Variants in POLR1D observed in about 807,000 individuals in gnomAD.
The protein encoded by POLR1D is DNA-directed RNA polymerases I and III subunit RPAC2.
Under a neutral mutation model 10.8 loss-of-function variants are expected in POLR1D, and 8 were observed. That is an observed-to-expected ratio of 0.74 (90% confidence interval 0.43 to 1.33). The LOEUF (loss-of-function observed/expected upper bound fraction) is 1.33. Among genes scored for constraint, POLR1D ranks in the 40% most tolerant of loss-of-function variants. POLR1D has a pLI of 0.01. For missense variants in POLR1D, 152 were observed against 161.7 expected (o/e 0.94, Z 0.32); for synonymous variants, 54 against 57.2 (o/e 0.94, Z 0.25).
chr13:27,655,705 A>T (rs2138565744), intron 2 of POLR1D, among the ~76,000 whole-genome samples: 1 of 152,286 alleles, frequency 6.6e-6, no homozygotes, highest in African/African-American at 2.4e-5. Flanking sequence ...TATTTTTGGG[A>T]GGAATGAGAT....
chr13:27,631,255 A>C (rs909155497), intron 1 of POLR1D, among the ~76,000 whole-genome samples: 4 of 152,282 alleles, frequency 2.6e-5, no homozygotes, highest in African/African-American at 9.6e-5. Context: ...ATTGCATGGG[A>C]GACGATTTGC....
chr13:27,636,613 G>A (rs1956126544), intron 1 of POLR1D, among the ~76,000 whole-genome samples: 1 of 152,208 alleles, frequency 6.6e-6, no homozygotes, highest in African/African-American at 2.4e-5. Flanking sequence ...TATTTCAAAT[G>A]AGATGTGAAA....
intron 1 of POLR1D, among the ~76,000 whole-genome samples, chr13:27,634,312 C>T (rs1021342002): frequency 2.6e-5 from 4 of 152,208 alleles, no homozygotes; most frequent in African/African-American, 9.7e-5. Context: ...GTGTCACTGT[C>T]TGCTGCCCAG....
chr13:27,621,907 C>A lies in POLR1D; in HGVS notation c.-77C>A. The A allele has an allele frequency of 6.8e-7, 1 of 1,473,508 alleles. No individual in the cohort carries two copies. Among genetic ancestry groups the A allele is most frequent in the Non-Finnish European group, 9.3e-7 (1 of 1,073,338 alleles). 91.3% of individuals were successfully genotyped at this position (1,473,508 alleles called of 1,614,324 possible). On this transcript the variant is annotated 5_prime_UTR_variant, in exon 1 of 2. Transcript: ENST00000302979. ...GTCGGTCGGTCCTTGCTTCCTGCTTCGCCTCCGCGCCTCGCGCTATGGGAC... is the reference window on the plus strand; with the variant it reads ...GTCGGTCGGTCCTTGCTTCCTGCTTAGCCTCCGCGCCTCGCGCTATGGGAC...
chr13:27,641,684 C>T (rs1004521429), intron 1 of POLR1D, among the ~76,000 whole-genome samples: 1 of 152,156 alleles, frequency 6.6e-6, no homozygotes, highest in Admixed American at 6.6e-5. Flanking sequence ...ACTTCATGTG[C>T]CCCTCAGTGG....
In POLR1D at chr13:27,666,122, A is replaced by C. The variant is rs1251442124; in HGVS notation, c.*169A>C. ...CACAGGCAAAAAAAATGACCTAGCA[A>C]CTCTTGAGGAAACAAGTGCAAAGGA... On this transcript the variant is annotated 3_prime_UTR_variant, in exon 3 of 3. Transcript: ENST00000399697. 13 of 618,976 alleles carry C rather than the reference A, an allele frequency of 2.1e-5. No individual in the cohort carries two copies. The South Asian group carries it at 2.5e-4, about 12-fold the overall frequency. The allele number at this position is 618,976 out of a possible 1,614,324, so 38.3% of individuals were successfully genotyped here.
chr13:27,621,573 G>A (rs1955919218), upstream of POLR1D: 1 of 154,812 alleles, frequency 6.5e-6, no homozygotes, highest in Non-Finnish European at 1.4e-5. Flanking sequence ...CCACTGGGAA[G>A]GGAAGTGATT....
In POLR1D at chr13:27,647,175, A is replaced by G. The variant is rs527956502; in HGVS notation, c.27-1204A>G. ...GGGACGATCATCTTCCTATGTTGCT[A>G]CCCATAGCACCTTGCACAGTATCTT... On this transcript the variant is annotated intron_variant, in intron 1 of 2. Coordinates refer to the POLR1D transcript ENST00000399697. Among the ~76,000 whole-genome samples, 19 of 152,238 alleles carry G rather than the reference A, an allele frequency of 1.2e-4. No individual in the cohort carries two copies. In the South Asian group the frequency reaches 3.9e-3, roughly 32 times the overall value.
At chr13:27,664,719 T>C (rs1956398422) in intron 2 of POLR1D, 1 of 152,268 alleles carries the variant, frequency 6.6e-6, no homozygotes, top group African/African-American at 2.4e-5. Flanking sequence ...TGGAGTGTTG[T>C]TGGCTTGATT....
Position 27,621,893 on chromosome 13 carries a change from C to G in POLR1D, c.-91C>G, listed in dbSNP as rs1955931869. 2.1e-6 allele frequency: 3 copies of G among 1,407,866 alleles called. No individual in the cohort carries two copies. The highest frequency in any genetic ancestry group is 2.0e-5 in the Admixed American group (1 of 50,864). 87.2% of individuals were successfully genotyped at this position (1,407,866 alleles called of 1,614,324 possible). On this transcript the variant is annotated 5_prime_UTR_variant, in exon 1 of 2. Coordinates refer to ENST00000302979, the MANE Select transcript of POLR1D (RefSeq NM_015972.4). ...CCTCCGCGCCTTCCGTCGGTCGGTC[C>G]TTGCTTCCTGCTTCGCCTCCGCGCC...
At chr13:27,665,581 A>G (rs927925024) in intron 2 of POLR1D, 1 of 1,054,018 alleles carries the variant, frequency 9.5e-7, no homozygotes, top group African/African-American at 1.6e-5. Context: ...CAGAAACTCG[A>G]TTCTGTGGGA....
intron 2 of POLR1D, among the ~76,000 whole-genome samples, chr13:27,654,075 A>C (rs967516678): frequency 1.3e-5 from 2 of 152,126 alleles, no homozygotes; most frequent in Admixed American, 1.3e-4. Context: ...TATGATTGAT[A>C]TTTTCTTACT....
intron 1 of POLR1D, among the ~76,000 whole-genome samples, chr13:27,640,518 T>C (rs1304602358): frequency 2.6e-5 from 4 of 151,366 alleles, no homozygotes; most frequent in Non-Finnish European, 2.9e-5. Flanking sequence ...TTCCCACTAG[T>C]GCTAAGCTTC....
intron 2 of POLR1D, among the ~76,000 whole-genome samples, chr13:27,659,925 T>TATATATATATATATATATATATATAC (rs528297415): frequency 2.5e-4 from 37 of 149,470 alleles, no homozygotes; most frequent in African/African-American, 8.5e-4. Flanking sequence ...TATATATATA[T>TATATATATATATATATATATATATAC]ACACACACAT....
At chr13:27,630,124 G>T (rs1956058825) in intron 1 of POLR1D, among the ~76,000 whole-genome samples, 1 of 152,040 alleles carries the variant, frequency 6.6e-6, no homozygotes, top group African/African-American at 2.4e-5. Context: ...TATTGGACAG[G>T]CTGGTCTTGA....
intron 2 of POLR1D, among the ~76,000 whole-genome samples, chr13:27,658,218 T>G (rs998601671): frequency 6.6e-6 from 1 of 152,218 alleles, no homozygotes; most frequent in African/African-American, 2.4e-5. Flanking sequence ...GATTCTAAAG[T>G]GAACACAAAT....
chr13:27,646,421 T>G (rs1956221020), intron 1 of POLR1D, among the ~76,000 whole-genome samples: 1 of 152,226 alleles, frequency 6.6e-6, no homozygotes, highest in Admixed American at 6.5e-5. Context: ...CATATCATTA[T>G]TCTAAAGAGC....
chr13:27,662,228 TTCTC>T, intron 2 of POLR1D, among the ~76,000 whole-genome samples: 1 of 152,296 alleles, frequency 6.6e-6, no homozygotes, highest in East Asian at 1.9e-4. Flanking sequence ...TGTGTACTCT[TTCTC>T]ATGAAGAGAG....
chr13:27,627,076 C>T (rs892542282), downstream of POLR1D, among the ~76,000 whole-genome samples: 6 of 152,164 alleles, frequency 3.9e-5, no homozygotes, highest in African/African-American at 1.4e-4. Flanking sequence ...AGACAAAAGT[C>T]TTCTTTTTGG....
Sources: allele counts gnomAD v4.1 joint callset (sites outside exome capture counted in the v4.1 genomes callset), GRCh38; gene constraint gnomAD v4.1.1; transcripts MANE v1.5; gene names NCBI Gene and HGNC (gene_info 2026-07-23, HGNC 2026-07-21).